The following ZNF407 variants were observed in gnomAD, a reference collection of about 807,000 sequenced individuals.
ZNF407 encodes the protein zinc finger protein 407.
Under a neutral mutation model 131.2 loss-of-function variants are expected in ZNF407, and 17 were observed. The ratio of observed to expected loss-of-function variants is 0.13; its 90% CI spans 0.09 to 0.19. The LOEUF (loss-of-function observed/expected upper bound fraction) is 0.19, where lower values mean the gene tolerates loss of function less well. Ranked by LOEUF, ZNF407 falls within the 10% of genes least tolerant of loss-of-function variation. The probability of loss-of-function intolerance (pLI) is 1.00; values close to 1 mark genes in which losing one functional copy is unlikely to be tolerated. For synonymous variants in ZNF407, 1,156 were observed against 1,062.0 expected (o/e 1.09, Z -1.72); for missense variants, 2,681 against 2,830.6 (o/e 0.95, Z 1.20).
At chr18:74,669,649 C>G (rs918393657) in intron 3 of ZNF407, among the ~76,000 whole-genome samples, 3 of 152,184 alleles carry the variant, frequency 2.0e-5, no homozygotes, top group African/African-American at 7.2e-5. Flanking sequence ...TCTGGCTCTC[C>G]ACCTCCTCCA....
At chr18:74,617,587 A>G (rs1348595892) in intron 1 of ZNF407, among the ~76,000 whole-genome samples, 1 of 151,780 alleles carries the variant, frequency 6.6e-6, no homozygotes, top group Non-Finnish European at 1.5e-5. Context: ...CTCTTTTTGT[A>G]TTGTCCACTG....
intron 1 of ZNF407, among the ~76,000 whole-genome samples, chr18:74,618,602 A>AG: frequency 6.6e-6 from 1 of 152,244 alleles, no homozygotes; most frequent in East Asian, 1.9e-4. Context: ...ACAAAAAATG[A>AG]GGTAGTCATT....
intron 1 of ZNF407, among the ~76,000 whole-genome samples, chr18:74,612,343 G>T (rs1331966985): frequency 6.6e-6 from 1 of 152,152 alleles, no homozygotes; most frequent in African/African-American, 2.4e-5. Context: ...TGTTTTTCTT[G>T]AAGTATTATC....
At position 75,064,156 on chromosome 18, in the gene ZNF407, C is replaced by T; in HGVS notation, c.6435C>T (p.Ile2145=). 1 of 1,604,650 alleles carries T rather than the reference C, an allele frequency of 6.2e-7. No individual in the cohort carries two copies. Among genetic ancestry groups the T allele is most frequent in the African/African-American group, 1.3e-5 (1 of 74,870 alleles). The part of the protein sequence containing the change: ...LVESDGEISQ[I]IVTEELVQAM... The stretch of plus-strand genomic sequence containing the variant: ...AGTCCGACGGGGAGATCTCGCAGAT[C>T]ATCGTGACGGAGGAGCTGGTCCAGG... The change falls in exon 9 of 9, where the codon ATC becomes ATT. Residue 2145 remains isoleucine (I), a synonymous_variant. Transcript: ENST00000299687.
intron 3 of ZNF407, among the ~76,000 whole-genome samples, chr18:74,729,342 C>T (rs1968236262): frequency 6.6e-6 from 1 of 152,154 alleles, no homozygotes; most frequent in Non-Finnish European, 1.5e-5. Flanking sequence ...TAGGCAACTT[C>T]TTCTTAGTCA....
intron 8 of ZNF407, among the ~76,000 whole-genome samples, chr18:75,010,984 T>C (rs956861208): frequency 3.3e-5 from 5 of 152,174 alleles, no homozygotes; most frequent in Non-Finnish European, 7.4e-5. Context: ...ACAAGAAAAC[T>C]GTGCTTTATC....
At chr18:74,984,412 A>T (rs556827568) in intron 8 of ZNF407, among the ~76,000 whole-genome samples, 1 of 152,226 alleles carries the variant, frequency 6.6e-6, no homozygotes, top group Non-Finnish European at 1.5e-5. Flanking sequence ...TAAAAGTTTA[A>T]TTTTTATTAT....
intron 8 of ZNF407, among the ~76,000 whole-genome samples, chr18:75,007,187 T>A (rs578105322): frequency 5.4e-4 from 82 of 151,746 alleles, no homozygotes; most frequent in Non-Finnish European, 9.3e-4. Flanking sequence ...TGTTAGTATT[T>A]TTTATTTATT....
intron 1 of ZNF407, among the ~76,000 whole-genome samples, chr18:74,614,757 G>C (rs917700013): frequency 6.6e-6 from 1 of 152,110 alleles, no homozygotes; most frequent in African/African-American, 2.4e-5. Context: ...TAATTCTCTT[G>C]TTTTACAAAT....
Position 74,740,328 on chromosome 18 carries a change from AAGGTAATTC to A in ZNF407, c.4803-41093_4803-41085del, listed in dbSNP as rs1968519641. Among the ~76,000 whole-genome samples, 6 of 152,278 alleles carry A rather than the reference AAGGTAATTC, an allele frequency of 3.9e-5. No homozygotes were observed. The South Asian group carries it at 1.2e-3, about 32-fold the overall frequency. On this transcript the variant is annotated intron_variant, in intron 3 of 8. Transcript: ENST00000299687. ...GACTGCATTTATTTTAGAGCTCACC[AAGGTAATTC>A]AGGTAAATCTTCTGATGTATAGATT...
At chr18:74,912,933 C>T (rs1198625352) in intron 7 of ZNF407, among the ~76,000 whole-genome samples, 1 of 152,120 alleles carries the variant, frequency 6.6e-6, no homozygotes, top group East Asian at 1.9e-4. Context: ...CATTGCTTTT[C>T]AGTATTTGGA....
At chr18:75,035,157 G>A (rs1452738157) in intron 8 of ZNF407, among the ~76,000 whole-genome samples, 2 of 152,144 alleles carry the variant, frequency 1.3e-5, no homozygotes, top group Non-Finnish European at 1.5e-5. Context: ...CACCGTTTTG[G>A]CTGATGAGTG....
At chr18:74,690,691 G>A (rs1278723057) in intron 3 of ZNF407, among the ~76,000 whole-genome samples, 1 of 152,098 alleles carries the variant, frequency 6.6e-6, no homozygotes, top group Non-Finnish European at 1.5e-5. Context: ...TATTTTTCTT[G>A]TATAGTTTAG....
intron 7 of ZNF407, among the ~76,000 whole-genome samples, chr18:74,891,320 C>T (rs1971382001): frequency 6.6e-6 from 1 of 152,194 alleles, no homozygotes; most frequent in Non-Finnish European, 1.5e-5. Context: ...TGCGCTCGAC[C>T]CACATGATGG....
chr18:74,705,508 T>G (rs1332491465), intron 3 of ZNF407, among the ~76,000 whole-genome samples: 1 of 152,250 alleles, frequency 6.6e-6, no homozygotes, highest in Non-Finnish European at 1.5e-5. Context: ...TTAAAACGTC[T>G]TGTACCTCTA....
chr18:74,868,492 T>C (rs1051390926), intron 4 of ZNF407, among the ~76,000 whole-genome samples: 1 of 152,256 alleles, frequency 6.6e-6, no homozygotes, highest in Admixed American at 6.5e-5. Context: ...AGATTGTTGG[T>C]TGCTTTTGTC....
chr18:74,938,666 TTC>T (rs1972065389), intron 8 of ZNF407, among the ~76,000 whole-genome samples: 1 of 152,228 alleles, frequency 6.6e-6, no homozygotes, highest in Non-Finnish European at 1.5e-5. Flanking sequence ...AGATTGCACC[TTC>T]TCTAAGTGTG....
intron 3 of ZNF407, among the ~76,000 whole-genome samples, chr18:74,652,443 A>G (rs1985269482): frequency 6.6e-6 from 1 of 152,052 alleles, no homozygotes; most frequent in South Asian, 2.1e-4. Context: ...TGGAAACGTT[A>G]CTGTGGAACT....
At chr18:74,985,411 A>G (rs887704274) in intron 8 of ZNF407, among the ~76,000 whole-genome samples, 4 of 152,202 alleles carry the variant, frequency 2.6e-5, no homozygotes, top group Non-Finnish European at 4.4e-5. Context: ...TGACATGAGG[A>G]AAGTCTGGAG....
Sources: gnomAD v4.1 joint callset for allele counts (sites outside exome capture counted in the v4.1 genomes callset) on GRCh38, gnomAD v4.1.1 for gene constraint, MANE v1.5 for transcripts, NCBI Gene and HGNC (gene_info 2026-07-23, HGNC 2026-07-21) for gene names.